Variants in CERS2 observed in about 807,000 individuals in gnomAD.
CERS2 encodes the protein LAG1 homolog, ceramide synthase 2.
CERS2 carries 20 observed loss-of-function variants against 56.6 expected under a neutral mutation model. The ratio of observed to expected loss-of-function variants is 0.35; its 90% CI spans 0.25 to 0.51. The LOEUF (loss-of-function observed/expected upper bound fraction) is 0.51, where lower values mean the gene tolerates loss of function less well. CERS2 is among the 20% of genes least tolerant of loss of function. The pLI is 0.96. For missense variants in CERS2, 361 were observed against 488.6 expected, an observed-to-expected ratio of 0.74 and a Z score of 2.46; for synonymous variants, 187 against 175.4, an observed-to-expected ratio of 1.07 and a Z score of -0.52.
intron 1 of CERS2, chr1:150,971,901 G>A (rs756471865): frequency 2.3e-5 from 11 of 471,156 alleles, no homozygotes; most frequent in South Asian, 1.7e-4. Flanking sequence ...AAAGCCAAAG[G>A]TACCATGTTG....
In CERS2 at chr1:150,965,770, A is replaced by G; in HGVS notation, c.*378T>C. On this transcript the variant is annotated 3_prime_UTR_variant, in exon 11 of 11. Transcript: ENST00000368954. ...CCCACAGATGGGACAATAAGGCACA[A>G]CCCTGGCTCTGGAGGTCAGGGAGTC... The G allele has an allele frequency of 5.7e-6, 1 of 175,986 alleles. No homozygotes were observed. The highest frequency in any genetic ancestry group is 1.2e-5 in the Non-Finnish European group (1 of 84,234). 10.9% of individuals were successfully genotyped at this position (175,986 alleles called of 1,614,324 possible).
intron 1 of CERS2, among the ~76,000 whole-genome samples, chr1:150,972,386 G>A (rs74128609): frequency 0.072 from 10,906 of 152,166 alleles, 1,335 homozygotes; most frequent in African/African-American, 0.25. Context: ...GACAGCTGGG[G>A]CCTGGCCGGC....
rs1290181518 is a variant in CERS2, at chr1:150,966,470, C to T, written c.1002+6G>A. On this transcript the variant is annotated splice_donor_region_variant and intron_variant, in intron 10 of 10. Transcript: ENST00000368954. Reference sequence around the variant, plus strand: ...TAAGGCCTACACAATGGGAACAGGGCTTCACCTTTCCAGTTATGAACTTGT... The same window carrying T: ...TAAGGCCTACACAATGGGAACAGGGTTTCACCTTTCCAGTTATGAACTTGT... 5.0e-6 allele frequency: 8 copies of T among 1,613,912 alleles called. No individual in the cohort carries two copies. Among genetic ancestry groups the T allele is most frequent in the Admixed American group, 1.7e-5 (1 of 59,982 alleles).
chr1:150,969,390 A>G (rs2102770276), intron 1 of CERS2: 1 of 298,878 alleles, frequency 3.3e-6, no homozygotes, highest in African/African-American at 2.1e-5. Context: ...CCTGGCCAAC[A>G]TGGCGAAACC....
Position 150,969,147 on chromosome 1 carries a change from T to G in CERS2, c.-1-56A>C, listed in dbSNP as rs6700469. Reference sequence around the variant, plus strand: ...GAGGGAGTAGCTATGGAGGAAGAGATAGATGAATAAAAGTTTTCAGGATGT... The same window carrying G: ...GAGGGAGTAGCTATGGAGGAAGAGAGAGATGAATAAAAGTTTTCAGGATGT... On this transcript the variant is annotated intron_variant, in intron 1 of 10. Coordinates refer to ENST00000368954, the MANE Select transcript of CERS2 (RefSeq NM_022075.5). 1,387 of 1,519,922 alleles carry G rather than the reference T, an allele frequency of 9.1e-4. 13 individuals are homozygous for G. In the African/African-American group the frequency reaches 0.015, roughly 16 times the overall value. 94.2% of individuals were successfully genotyped at this position (1,519,922 alleles called of 1,614,324 possible). A position where few individuals can be genotyped will look rare whatever the true frequency, so the allele number is the denominator to read the frequency against.
chr1:150,969,145 G>T, intron 1 of CERS2, 54 bp from the exon 2 acceptor site: 1 of 1,527,378 alleles, frequency 6.5e-7, no homozygotes, highest in Non-Finnish European at 9.0e-7. Flanking sequence ...TGGAGGAAGA[G>T]ATAGATGAAT....
chr1:150,968,151 T>TAC lies in CERS2; in HGVS notation c.340_341dup (p.Glu115Ter). ...TGCGGCGGCGACGGAACCAACGCTC[T>TAC]ACCTGGCGGCCAGAGAGCCCGCTCT... On this transcript the variant is annotated frameshift_variant, in exon 4 of 11. Transcript: ENST00000368954. LOFTEE classifies it high-confidence loss of function. 6.2e-7 allele frequency: 1 copy of TAC among 1,609,620 alleles called. No individual in the cohort carries two copies. Among genetic ancestry groups the TAC allele is most frequent in the Non-Finnish European group, 8.5e-7 (1 of 1,179,996 alleles).
At chr1:150,967,281 T>TC in intron 7 of CERS2, 79 bp from the exon 8 acceptor site, 1 of 1,507,164 alleles carries the variant, frequency 6.6e-7, no homozygotes, top group Non-Finnish European at 9.2e-7. Flanking sequence ...TGCCTTTGGT[T>TC]CCCCATATAC....
chr1:150,967,297 G>T, intron 7 of CERS2, 95 bp from the exon 8 acceptor site: 1 of 1,449,290 alleles, frequency 6.9e-7, no homozygotes, highest in Non-Finnish European at 9.7e-7. Context: ...TATACCAACA[G>T]CTCCATTCAG....
chr1:150,970,390 A>G (rs1671148881), intron 1 of CERS2, among the ~76,000 whole-genome samples: 1 of 152,170 alleles, frequency 6.6e-6, no homozygotes, highest in African/African-American at 2.4e-5. Context: ...CCTATGTATA[A>G]CTCTTCAGAA....
intron 1 of CERS2, among the ~76,000 whole-genome samples, chr1:150,973,344 A>C (rs1671229246): frequency 6.6e-6 from 1 of 152,230 alleles, no homozygotes; most frequent in South Asian, 2.1e-4. Flanking sequence ...CTATGGCCCC[A>C]GGGGCAGGGA....
intron 10 of CERS2, 90 bp downstream of exon 10, chr1:150,966,384 CCA>C: frequency 6.3e-7 from 1 of 1,598,546 alleles, no homozygotes; most frequent in Non-Finnish European, 8.5e-7. Context: ...ACCCAGGGCT[CCA>C]CACTAGTTTT....
Position 150,966,836 on chromosome 1 carries a change from T to C in CERS2, c.768A>G (p.Gly256=). The change falls in exon 9 of 11, where the codon GGA becomes GGG. Residue 256 remains glycine, a synonymous_variant. Transcript: ENST00000368954. ...LESAKMFNYA[G]WKNTCNNIFI... ...AGATGTTGTTGCAGGTGTTCTTCCA[T>C]CCCGCGTAGTTAAACATCTTGGCTG... The C allele has an allele frequency of 6.2e-7, 1 of 1,613,984 alleles. No homozygotes were observed. The highest frequency in any genetic ancestry group is 8.5e-7 in the Non-Finnish European group (1 of 1,179,914).
chr1:150,967,559 GTTCT>G (rs1329727436), intron 6 of CERS2, 75 bp from the exon 7 acceptor site: 1 of 1,418,224 alleles, frequency 7.1e-7, no homozygotes, highest in African/African-American at 1.4e-5. Context: ...AGCCCCTGAG[GTTCT>G]TCATTCCATC....
chr1:150,966,453 A>G (rs756828166), intron 10 of CERS2, 23 bp downstream of exon 10: 1 of 1,613,914 alleles, frequency 6.2e-7, no homozygotes, highest in Non-Finnish European at 8.5e-7. Context: ...AGTAAGGCCT[A>G]CACAATGGGA....
rs770465444 is a variant in CERS2, at chr1:150,965,294, T to A, written c.*854A>T. 431 of 152,400 alleles carry A rather than the reference T, an allele frequency of 2.8e-3. 1 individual carries two copies. The highest frequency in any genetic ancestry group is 0.01 in the Middle Eastern group (3 of 294). 9.4% of individuals were successfully genotyped at this position (152,400 alleles called of 1,614,324 possible). ...TATTTTTTATTTAATCTTTTAATTT[T>A]TAAAAAAAACCCATTAACAGTACAT... On this transcript the variant is annotated 3_prime_UTR_variant, in exon 11 of 11. Coordinates refer to ENST00000368954, the MANE Select transcript of CERS2 (RefSeq NM_022075.5).
chr1:150,968,292 A>T, intron 3 of CERS2, 91 bp from the exon 4 acceptor site: 1 of 1,465,908 alleles, frequency 6.8e-7, no homozygotes, highest in Non-Finnish European at 9.5e-7. Flanking sequence ...AGTCAGCACC[A>T]CTGCTTCCCC....
At position 150,966,237 on chromosome 1, in the gene CERS2, C is replaced by A. The variant is rs1330319850; in HGVS notation, c.1054G>T (p.Glu352Ter). ...DREETESSEG[E>*]EAAAGGGAKS... ...GCTCCTCCCCCAGCTGCAGCCTCCT[C>A]CCCCTCTGAGCTCTCTGTTTCTTCC... The change falls in exon 11 of 11, where the codon GAG becomes TAG. Residue 352 changes from glutamate (E) to a stop codon, truncating the protein, a stop_gained. Coordinates refer to ENST00000368954, the MANE Select transcript of CERS2 (RefSeq NM_022075.5). LOFTEE classifies it high-confidence loss of function. 1 of 1,609,632 alleles carries A rather than the reference C, an allele frequency of 6.2e-7. No individual in the cohort carries two copies. The highest frequency in any genetic ancestry group is 8.5e-7 in the Non-Finnish European group (1 of 1,178,852).
chr1:150,967,340 C>A (rs1410467969), intron 7 of CERS2, 52 bp downstream of exon 7: 8 of 1,435,254 alleles, frequency 5.6e-6, no homozygotes, highest in Admixed American at 3.3e-5. Flanking sequence ...GGGTGTTCAT[C>A]CCAGGGCCTC....
Sources: gnomAD v4.1 joint callset for allele counts (sites outside exome capture counted in the v4.1 genomes callset) on GRCh38, gnomAD v4.1.1 for gene constraint, MANE v1.5 for transcripts, NCBI Gene and HGNC (gene_info 2026-07-23, HGNC 2026-07-21) for gene names.